Variants in NELL1 observed in about 807,000 individuals in gnomAD.
NELL1 encodes protein kinase C-binding protein NELL1.
A neutral mutation model predicts 107.4 loss-of-function variants in NELL1; 76 were observed. The ratio of observed to expected loss-of-function variants is 0.71; its 90% CI spans 0.59 to 0.86. NELL1 has a LOEUF of 0.86. NELL1 is among the 40% of genes least tolerant of loss of function. NELL1 has a pLI of 0.00. For missense variants in NELL1, 1,024 were observed against 1,005.5 expected, an observed-to-expected ratio of 1.02 and a Z score of -0.25; for synonymous variants, 353 against 341.2, an observed-to-expected ratio of 1.03 and a Z score of -0.38.
At chr11:21,249,900 G>C (rs1434665165) in intron 14 of NELL1, among the ~76,000 whole-genome samples, 1 of 152,028 alleles carries the variant, frequency 6.6e-6, no homozygotes, top group Non-Finnish European at 1.5e-5. Flanking sequence ...AAGAAGATTT[G>C]GACAAAAAAC....
intron 17 of NELL1, among the ~76,000 whole-genome samples, chr11:21,568,596 T>A (rs1690092119): frequency 6.6e-6 from 1 of 151,886 alleles, no homozygotes; most frequent in South Asian, 2.1e-4. Context: ...AAATACTTTC[T>A]TTATATTCTT....
rs986102090 is a variant in NELL1, at chr11:21,354,675, A to G, written c.1550-16178A>G. Among the ~76,000 whole-genome samples, 5 of 152,344 alleles carry G rather than the reference A, an allele frequency of 3.3e-5. No individual in the cohort carries two copies. In the East Asian group the frequency reaches 9.6e-4, roughly 29 times the overall value. On this transcript the variant is annotated intron_variant, in intron 14 of 19. Transcript: ENST00000357134. ...AAATCTGAGAAGTTGTTCAGGTTTC[A>G]GGTTGGAGATGGGAAACAAAGAAGC...
intron 12 of NELL1, among the ~76,000 whole-genome samples, chr11:20,966,679 T>C (rs1269494333): frequency 6.6e-6 from 1 of 152,016 alleles, no homozygotes; most frequent in East Asian, 1.9e-4. Context: ...AACTAACATG[T>C]CATCTTCCTC....
At chr11:21,502,136 T>A (rs991778315) in intron 15 of NELL1, among the ~76,000 whole-genome samples, 1 of 152,172 alleles carries the variant, frequency 6.6e-6, no homozygotes, top group African/African-American at 2.4e-5. Flanking sequence ...TTATAAATAA[T>A]GGAGGTAAAA....
intron 15 of NELL1, among the ~76,000 whole-genome samples, chr11:21,372,714 C>T (rs1048992911): frequency 4.6e-5 from 7 of 151,868 alleles, no homozygotes; most frequent in African/African-American, 1.7e-4. Flanking sequence ...TCTGCATTTT[C>T]ACCAAGCACC....
intron 2 of NELL1, among the ~76,000 whole-genome samples, chr11:20,759,897 C>T (rs1026516061): frequency 1.3e-5 from 2 of 152,234 alleles, no homozygotes; most frequent in Admixed American, 1.3e-4. Context: ...GACTCTATCC[C>T]TGCTTTGCCC....
intron 12 of NELL1, among the ~76,000 whole-genome samples, chr11:20,979,921 G>C (rs1183885786): frequency 6.6e-6 from 1 of 152,148 alleles, no homozygotes. Context: ...TTTCCTTGAA[G>C]TGACATGCAA....
intron 17 of NELL1, 54 bp downstream of exon 17, chr11:21,560,436 C>A: frequency 6.8e-7 from 1 of 1,464,212 alleles, no homozygotes. Flanking sequence ...CTTCTTCCCT[C>A]ACTTTTCTAC....
At position 21,116,325 on chromosome 11, in the gene NELL1, C is replaced by T. The variant is rs572708345; in HGVS notation, c.1426+2611C>T. Among the ~76,000 whole-genome samples the T allele has an allele frequency of 1.7e-3, 263 of 152,002 alleles. 1 individual carries two copies. Among genetic ancestry groups the T allele is most frequent in the African/African-American group, 6.1e-3 (253 of 41,490 alleles). On this transcript the variant is annotated intron_variant, in intron 13 of 19. Transcript: ENST00000357134. Reference sequence around the variant, plus strand: ...TGCTGACTTCTGAAAGGTTAGAGTACCCTCCGGTTCTATCCTGGTCCCCTT... The same window carrying T: ...TGCTGACTTCTGAAAGGTTAGAGTATCCTCCGGTTCTATCCTGGTCCCCTT...
intron 15 of NELL1, among the ~76,000 whole-genome samples, chr11:21,443,296 G>C (rs1853339181): frequency 6.6e-6 from 1 of 152,148 alleles, no homozygotes; most frequent in Non-Finnish European, 1.5e-5. Context: ...TCATGACCTA[G>C]TCAACTCTTG....
rs1323770713 is a variant in NELL1 at position 21,370,859 on chromosome 11, G to A, written c.1556G>A (p.Cys519Tyr). Reference sequence around the variant, plus strand: ...CTTTGTTCTCTTGCAACAGCTTTCTGTGAAGAGGGCTGCAGATACGGTGGA... The same window carrying A: ...CTTTGTTCTCTTGCAACAGCTTTCTATGAAGAGGGCTGCAGATACGGTGGA... Reference protein sequence around the residue: ...VGNGTICRAFCEEGCRYGGTC... With the variant: ...VGNGTICRAFYEEGCRYGGTC... The change falls in exon 15 of 20, where the codon TGT becomes TAT. Residue 519 changes from cysteine (C) to tyrosine (Y), a missense_variant. Physicochemically the swap from Cys to Tyr is radical, Grantham distance 194. Transcript: ENST00000357134. 2 of 1,611,182 alleles carry A rather than the reference G, an allele frequency of 1.2e-6. No individual in the cohort carries two copies. The highest frequency in any genetic ancestry group is 2.2e-5 in the South Asian group (2 of 90,664).
chr11:20,913,802 A>G (rs1215230504), intron 5 of NELL1, among the ~76,000 whole-genome samples: 1 of 141,568 alleles, frequency 7.1e-6, no homozygotes, highest in African/African-American at 2.5e-5. Flanking sequence ...AACAATAAGA[A>G]AATGGATTGT....
intron 13 of NELL1, among the ~76,000 whole-genome samples, chr11:21,193,013 A>G (rs1312036374): frequency 6.6e-6 from 1 of 151,852 alleles, no homozygotes; most frequent in African/African-American, 2.4e-5. Flanking sequence ...CCATTTACAA[A>G]ATGTAGTGGT....
At chr11:20,958,434 C>G (rs1173983419) in intron 11 of NELL1, among the ~76,000 whole-genome samples, 1 of 151,986 alleles carries the variant, frequency 6.6e-6, no homozygotes, top group Non-Finnish European at 1.5e-5. Flanking sequence ...AAAACCCAAG[C>G]TAACACACAA....
intron 5 of NELL1, among the ~76,000 whole-genome samples, chr11:20,911,410 G>A (rs1850128572): frequency 6.6e-6 from 1 of 152,026 alleles, no homozygotes; most frequent in Non-Finnish European, 1.5e-5. Flanking sequence ...GATTAAGTAA[G>A]TTGCCAACCT....
chr11:21,093,617 A>G (rs1216244364), intron 12 of NELL1, among the ~76,000 whole-genome samples: 2 of 152,184 alleles, frequency 1.3e-5, no homozygotes, highest in Non-Finnish European at 2.9e-5. Flanking sequence ...AAAGAGATTT[A>G]ATTCGAATCA....
intron 5 of NELL1, among the ~76,000 whole-genome samples, chr11:20,909,517 G>T (rs372857262): frequency 6.6e-5 from 10 of 152,258 alleles, no homozygotes; most frequent in African/African-American, 2.4e-4. Flanking sequence ...GGTTTCAAGG[G>T]ATGGAGATCT....
chr11:21,370,965 T>C lies in NELL1; in HGVS notation c.1645+17T>C. 6.4e-7 allele frequency: 1 copy of C among 1,571,492 alleles called. No individual in the cohort carries two copies. The highest frequency in any genetic ancestry group is 8.7e-7 in the Non-Finnish European group (1 of 1,145,262). On this transcript the variant is annotated intron_variant, in intron 15 of 19. Transcript: ENST00000357134. ...GCGAGAAAGGTAATCTAGCTTGTTT[T>C]ATGGGGGATAGGGACAAAGATTGGT...
intron 15 of NELL1, among the ~76,000 whole-genome samples, chr11:21,520,740 GC>G (rs1855704897): frequency 6.6e-6 from 1 of 152,072 alleles, no homozygotes; most frequent in Non-Finnish European, 1.5e-5. Context: ...CAAGTGCTCA[GC>G]CCCGGCCCCT....
Sources: gnomAD v4.1 joint callset for allele counts (sites outside exome capture counted in the v4.1 genomes callset) on GRCh38, gnomAD v4.1.1 for gene constraint, MANE v1.5 for transcripts, NCBI Gene and HGNC (gene_info 2026-07-23, HGNC 2026-07-21) for gene names.